Variants in MAPKAPK3 observed in about 807,000 individuals in gnomAD.
MAPKAPK3 encodes the protein MAP kinase-activated protein kinase 3.
In MAPKAPK3, 35 loss-of-function variants were observed where a neutral mutation model predicts 49.2. That is an observed-to-expected ratio of 0.71 (90% CI 0.54 to 0.94). The LOEUF (loss-of-function observed/expected upper bound fraction) is 0.94. Among genes scored for constraint, MAPKAPK3 ranks in the 40% least tolerant of loss-of-function variants. MAPKAPK3 has a pLI of 0.00. For synonymous variants in MAPKAPK3, 178 were observed against 188.7 expected, an observed-to-expected ratio of 0.94 and a Z score of 0.46; for missense variants, 398 against 493.1, an observed-to-expected ratio of 0.81 and a Z score of 1.83.
chr3:50,645,148 G>A (rs1424041632), intron 6 of MAPKAPK3, among the ~76,000 whole-genome samples: 1 of 152,170 alleles, frequency 6.6e-6, no homozygotes, highest in Admixed American at 6.5e-5. Context: ...TGCTGAAGGG[G>A]TGGGAAGTTC....
intron 2 of MAPKAPK3, among the ~76,000 whole-genome samples, chr3:50,629,838 TG>T (rs1203489260): frequency 6.6e-6 from 1 of 152,232 alleles, no homozygotes; most frequent in Non-Finnish European, 1.5e-5. Flanking sequence ...GCAGACCAAC[TG>T]AGGCCATCAA....
chr3:50,615,680 C>T (rs1422521889), upstream of MAPKAPK3, among the ~76,000 whole-genome samples: 1 of 152,224 alleles, frequency 6.6e-6, no homozygotes, highest in African/African-American at 2.4e-5. Flanking sequence ...CAGGGGGTTG[C>T]AGGGAGAGCA....
intron 6 of MAPKAPK3, among the ~76,000 whole-genome samples, 168 bp from the exon 7 acceptor site, chr3:50,645,542 C>T (rs1188714058): frequency 6.6e-6 from 1 of 152,162 alleles, no homozygotes; most frequent in Non-Finnish European, 1.5e-5. Flanking sequence ...CTTTCTCCTC[C>T]CCCAACTTCA....
rs529377135 is a variant in MAPKAPK3 at position 50,649,250 on chromosome 3, G to A, written c.*1204G>A. On this transcript the variant is annotated 3_prime_UTR_variant, in exon 11 of 11. Transcript: ENST00000621469. ...ATGTCAGATAGGACAACACTGCTGGGTTTTACATCCAGATAGTAATAAACA... is the reference window on the plus strand; with the variant it reads ...ATGTCAGATAGGACAACACTGCTGGATTTTACATCCAGATAGTAATAAACA... 2 of 152,342 alleles carry A rather than the reference G, an allele frequency of 1.3e-5. No individual in the cohort carries two copies. Among genetic ancestry groups the A allele is most frequent in the South Asian group, 4.1e-4 (2 of 4,824 alleles). The allele number at this position is 152,342 out of a possible 1,614,324, so 9.4% of individuals were successfully genotyped here.
In MAPKAPK3 at chr3:50,645,697, T is replaced by A; in HGVS notation, c.629-13T>A. ...TTGGGTCTGAGAGCCCTGCTGTCCC[T>A]CTGCCCTGGCAGCCCCTGAGGTCCT... On this transcript the variant is annotated splice_polypyrimidine_tract_variant and intron_variant, in intron 6 of 10. Transcript: ENST00000621469. The A allele has an allele frequency of 6.2e-7, 1 of 1,613,118 alleles. No individual in the cohort carries two copies.
upstream of MAPKAPK3, chr3:50,612,309 G>T (rs1425607130): frequency 6.6e-6 from 1 of 152,104 alleles, no homozygotes; most frequent in African/African-American, 2.4e-5. Flanking sequence ...CCCTGCGAGC[G>T]GCTCCTCCAA....
chr3:50,647,319 AG>A, intron 10 of MAPKAPK3, 116 bp downstream of exon 10: 1 of 783,078 alleles, frequency 1.3e-6, no homozygotes, highest in Non-Finnish European at 2.1e-6. Flanking sequence ...CCTGGAGCAC[AG>A]GGTGTCAGTG....
chr3:50,615,739 G>A (rs2032451095), upstream of MAPKAPK3, among the ~76,000 whole-genome samples: 1 of 152,208 alleles, frequency 6.6e-6, no homozygotes, highest in Admixed American at 6.5e-5. Context: ...GCCAGCTGAG[G>A]CTATTGTCTG....
At chr3:50,640,626 C>T (rs2033158020) in intron 3 of MAPKAPK3, 121 bp downstream of exon 3, 2 of 1,265,666 alleles carry the variant, frequency 1.6e-6, no homozygotes, top group Admixed American at 2.4e-5. Context: ...CACTGTAGCC[C>T]CTGAGGGGCA....
chr3:50,630,266 A>G lies in MAPKAPK3; in HGVS notation c.220-10100A>G, dbSNP rs114764601. On this transcript the variant is annotated intron_variant, in intron 2 of 10. Coordinates refer to ENST00000621469, the MANE Select transcript of MAPKAPK3 (RefSeq NM_001243925.2). ...GGCAGTGACTCATCCATAGACCCCT[A>G]AATCCTTGAGGACAGAGTGCCCATG... Among the ~76,000 whole-genome samples, 1,021 of 152,370 alleles carry G rather than the reference A, an allele frequency of 6.7e-3. 7 individuals carry two copies. Among genetic ancestry groups the G allele is most frequent in the Non-Finnish European group, 9.7e-3 (663 of 68,034 alleles).
At chr3:50,647,549 A>G (rs893619155) in intron 10 of MAPKAPK3, among the ~76,000 whole-genome samples, 1 of 152,256 alleles carries the variant, frequency 6.6e-6, no homozygotes, top group Non-Finnish European at 1.5e-5. Flanking sequence ...CCAGTGGCAC[A>G]ATCTCCAGGC....
At chr3:50,614,793 G>T (rs1461702459), upstream of MAPKAPK3, among the ~76,000 whole-genome samples, 1 of 152,102 alleles carries the variant, frequency 6.6e-6, no homozygotes, top group South Asian at 2.1e-4. Context: ...GCATCTCTCC[G>T]ATGGACCCAT....
At chr3:50,619,393 A>G (rs752633284) in intron 2 of MAPKAPK3, among the ~76,000 whole-genome samples, 1 of 152,126 alleles carries the variant, frequency 6.6e-6, no homozygotes, top group Non-Finnish European at 1.5e-5. Context: ...GCTGGGCCCC[A>G]GGTATAGCTT....
At chr3:50,646,464 C>T (rs754889222) in intron 8 of MAPKAPK3, among the ~76,000 whole-genome samples, 200 bp downstream of exon 8, 7 of 152,202 alleles carry the variant, frequency 4.6e-5, no homozygotes, top group Non-Finnish European at 8.8e-5. Context: ...CTTGCCTCCT[C>T]AAAACTCCCT....
chr3:50,617,783 A>G lies in MAPKAPK3; in HGVS notation c.218A>G (p.Lys73Arg). Residue 73 changes from lysine (K) to arginine (R), a missense_variant and splice_region_variant, in exon 2 of 11, where the codon AAG becomes AGG. Lys to Arg is a conservative substitution (Grantham distance 26). Around this residue, in one of 5 missense-constraint regions of MAPKAPK3, gnomAD observed 123 missense variants for 117.7 expected, o/e 1.04. Transcript: ENST00000621469. ...HRRTGQKCAL[K>R]LLYDSPKARQ... ...CGCACTGGACAGAAGTGTGCCCTGAAGGTCAGTGAGCCCTCACTGAGGCCT... is the reference window on the plus strand; with the variant it reads ...CGCACTGGACAGAAGTGTGCCCTGAGGGTCAGTGAGCCCTCACTGAGGCCT... The G allele has an allele frequency of 6.2e-7, 1 of 1,612,666 alleles. No individual in the cohort carries two copies. Among genetic ancestry groups the G allele is most frequent in the East Asian group, 2.2e-5 (1 of 44,858 alleles).
rs750791906 is a variant in MAPKAPK3 at position 50,644,462 on chromosome 3, C to T, written c.558C>T (p.Thr186=). 10 of 1,614,152 alleles carry T rather than the reference C, an allele frequency of 6.2e-6. No homozygotes were observed. Among genetic ancestry groups the T allele is most frequent in the Middle Eastern group, 3.3e-4 (2 of 6,056 alleles). ...SKEKDAVLKL[T]DFGFAKETTQ... ...AGAAAGACGCAGTGCTTAAGCTCACCGATTTTGGCTTTGCTAAGGAGACCA... is the reference window on the plus strand; with the variant it reads ...AGAAAGACGCAGTGCTTAAGCTCACTGATTTTGGCTTTGCTAAGGAGACCA... Residue 186 remains threonine (T), a synonymous_variant, in exon 6 of 11, where the codon ACC becomes ACT. Coordinates refer to ENST00000621469, the MANE Select transcript of MAPKAPK3 (RefSeq NM_001243925.2).
chr3:50,641,848 C>A, intron 4 of MAPKAPK3, 77 bp downstream of exon 4: 2 of 1,238,444 alleles, frequency 1.6e-6, no homozygotes, highest in Non-Finnish European at 2.4e-6. Flanking sequence ...TGATGCTAGG[C>A]AAGACCCTGT....
intron 2 of MAPKAPK3, among the ~76,000 whole-genome samples, chr3:50,630,851 C>T (rs2032886905): frequency 6.6e-6 from 1 of 152,226 alleles, no homozygotes; most frequent in Non-Finnish European, 1.5e-5. Context: ...GGTAGAAGGG[C>T]GCTGCTGATC....
intron 2 of MAPKAPK3, among the ~76,000 whole-genome samples, chr3:50,627,754 A>G (rs1345858589): frequency 6.6e-6 from 1 of 152,146 alleles, no homozygotes; most frequent in African/African-American, 2.4e-5. Flanking sequence ...AGAGACTAGG[A>G]AAGCCTTCTG....
Sources: gnomAD v4.1 joint callset for allele counts (sites outside exome capture counted in the v4.1 genomes callset) on GRCh38, gnomAD v4.1.1 for gene constraint, gnomAD v4.1.1 regional missense constraint, MANE v1.5 for transcripts, NCBI Gene and HGNC (gene_info 2026-07-23, HGNC 2026-07-21) for gene names.